The following DENND4A variants were observed in gnomAD, a reference collection of about 807,000 sequenced individuals.
DENND4A encodes DENN domain containing 4A.
In DENND4A, 70 loss-of-function variants were observed where a neutral mutation model predicts 199.3. That is an observed-to-expected ratio of 0.35 (90% CI 0.29 to 0.43). The LOEUF (loss-of-function observed/expected upper bound fraction) is 0.43, where lower values mean the gene tolerates loss of function less well. Ranked by LOEUF, DENND4A falls within the 20% of genes least tolerant of loss-of-function variation. The pLI is 1.00. For synonymous variants in DENND4A, 686 were observed against 766.9 expected (o/e 0.89, Z 1.74); for missense variants, 1,723 against 2,255.8 (o/e 0.76, Z 4.78).
intron 1 of DENND4A, among the ~76,000 whole-genome samples, chr15:65,770,882 A>G (rs1285237822): frequency 1.3e-5 from 2 of 152,232 alleles, no homozygotes; most frequent in Admixed American, 1.3e-4. Context: ...GAATCACTAA[A>G]ACTGGAAATT....
At chr15:65,671,920 A>G (rs1340155583) in intron 24 of DENND4A, 34 bp from the exon 25 acceptor site, 12 of 1,219,384 alleles carry the variant, frequency 9.8e-6, no homozygotes, top group Middle Eastern at 1.9e-4. Flanking sequence ...AACAGAAACC[A>G]TTAAAATTAA....
intron 11 of DENND4A, among the ~76,000 whole-genome samples, chr15:65,724,060 A>T (rs2075728874): frequency 1.4e-5 from 2 of 143,478 alleles, no homozygotes; most frequent in African/African-American, 5.0e-5. Flanking sequence ...ACTCCACTTT[A>T]AAAAAAAAAA....
At chr15:65,692,474 G>A (rs528250812) in intron 22 of DENND4A, among the ~76,000 whole-genome samples, 1 of 152,208 alleles carries the variant, frequency 6.6e-6, no homozygotes, top group South Asian at 2.1e-4. Flanking sequence ...CTTCTTACAT[G>A]CTTTATGCAC....
chr15:65,700,533 C>T lies in DENND4A; in HGVS notation c.2833+11G>A. 3 of 1,431,398 alleles carry T rather than the reference C, an allele frequency of 2.1e-6. No homozygotes were observed. The highest frequency in any genetic ancestry group is 1.8e-4 in the Middle Eastern group (1 of 5,586). 88.7% of individuals were successfully genotyped at this position (1,431,398 alleles called of 1,614,324 possible). On this transcript the variant is annotated intron_variant, in intron 20 of 32. Transcript: ENST00000443035. ...GTACTATAATAAATGTATACATAAG[C>T]ATACACAAACCTGTACTAGATCTAT...
intron 14 of DENND4A, among the ~76,000 whole-genome samples, chr15:65,711,954 C>T (rs1596495334): frequency 6.6e-6 from 1 of 152,110 alleles, no homozygotes; most frequent in African/African-American, 2.4e-5. Flanking sequence ...GTGCACACCA[C>T]CATGCCCAAC....
chr15:65,702,556 G>A, intron 16 of DENND4A, 45 bp from the exon 17 acceptor site: 1 of 1,466,462 alleles, frequency 6.8e-7, no homozygotes. Context: ...ATGCACTTAG[G>A]CATCTTTATT....
intron 11 of DENND4A, among the ~76,000 whole-genome samples, chr15:65,728,487 CTT>C (rs201253758): frequency 7.2e-5 from 10 of 138,438 alleles, no homozygotes; most frequent in African/African-American, 8.0e-5. Context: ...TTTTCTTTTT[CTT>C]TTTTTTTTTT....
chr15:65,757,816 C>T (rs1478628902), intron 2 of DENND4A, among the ~76,000 whole-genome samples: 2 of 152,134 alleles, frequency 1.3e-5, no homozygotes, highest in African/African-American at 4.8e-5. Flanking sequence ...GAACCCATCT[C>T]TACTAAAAAT....
At chr15:65,768,161 A>ATT (rs1229074430) in intron 1 of DENND4A, among the ~76,000 whole-genome samples, 3 of 151,892 alleles carry the variant, frequency 2.0e-5, no homozygotes, top group Non-Finnish European at 4.4e-5. Flanking sequence ...CGTCTGGCTA[A>ATT]TTTATCTTTT....
At chr15:65,698,913 T>C (rs1020038881) in intron 20 of DENND4A, among the ~76,000 whole-genome samples, 1 of 151,948 alleles carries the variant, frequency 6.6e-6, no homozygotes, top group African/African-American at 2.4e-5. Flanking sequence ...AATTTTTGCA[T>C]TTTTAGTAGA....
Position 65,706,491 on chromosome 15 carries a change from CACACATAT to C in DENND4A, c.1954-275_1954-268del, listed in dbSNP as rs745566516. Among the ~76,000 whole-genome samples, 66 of 85,958 alleles carry C rather than the reference CACACATAT, an allele frequency of 7.7e-4. 1 individual carries two copies. The highest frequency in any genetic ancestry group is 2.0e-3 in the African/African-American group (40 of 20,426). The allele number at this position is 85,958 out of a possible 152,430, so 56.4% of individuals were successfully genotyped here. ...ACACACACACACACACACACACACA[CACACATAT>C]ATATATATATTTTTTTTTGAGACAG... On this transcript the variant is annotated intron_variant, in intron 14 of 32. Transcript: ENST00000443035.
At position 65,706,206 on chromosome 15, in the gene DENND4A, C is replaced by T. The variant is rs750364999; in HGVS notation, c.1972G>A (p.Gly658Ser). 1.6e-5 allele frequency: 25 copies of T among 1,575,726 alleles called. No homozygotes were observed. The East Asian group carries it at 2.8e-4, about 17-fold the overall frequency. Residue 658 changes from glycine (G) to serine (S), a missense_variant, in exon 15 of 33, where the codon GGT becomes AGT. Physicochemically the swap from Gly to Ser is moderately conservative, Grantham distance 56 (BLOSUM62 0). This residue lies in a region of DENND4A where 725 missense variants were observed against 952.9 expected (regional missense o/e 0.76). Coordinates refer to ENST00000443035, the MANE Select transcript of DENND4A (RefSeq NM_001320835.1). ...TCCAGTTCTATAAGTCGTACTTCACCGCTCTTGTCCATATCCACCTAAAGG... is the reference window on the plus strand; with the variant it reads ...TCCAGTTCTATAAGTCGTACTTCACTGCTCTTGTCCATATCCACCTAAAGG... ...CVDKVDMDKS[G>S]EVRLIELDES...
intron 1 of DENND4A, among the ~76,000 whole-genome samples, chr15:65,764,578 C>T (rs1476923823): frequency 6.6e-6 from 1 of 152,058 alleles, no homozygotes; most frequent in Non-Finnish European, 1.5e-5. Flanking sequence ...TTGCAGTGAG[C>T]AGAGATCGTG....
At chr15:65,784,770 G>C (rs753007646) in intron 1 of DENND4A, among the ~76,000 whole-genome samples, 1 of 152,032 alleles carries the variant, frequency 6.6e-6, no homozygotes, top group Non-Finnish European at 1.5e-5. Flanking sequence ...AGAACTACAG[G>C]AGCAGAAAGC....
intron 14 of DENND4A, chr15:65,715,259 TATG>T (rs759558341): frequency 1.3e-5 from 5 of 399,474 alleles, no homozygotes; most frequent in Non-Finnish European, 2.2e-5. Context: ...CAATAAAACT[TATG>T]ATTACAATTA....
At chr15:65,702,760 A>G in intron 16 of DENND4A, 113 bp downstream of exon 16, 1 of 1,103,570 alleles carries the variant, frequency 9.1e-7, no homozygotes, top group South Asian at 1.6e-5. Context: ...TTTGGTGAAC[A>G]TAATAATCTA....
rs1459035327 is a variant in DENND4A at position 65,661,083 on chromosome 15, T to G, written c.*768A>C. The G allele has an allele frequency of 6.6e-6, 1 of 152,192 alleles. No homozygotes were observed. The allele number at this position is 152,192 out of a possible 1,614,324, so 9.4% of individuals were successfully genotyped here. ...TTGGAGTCATGGTATAGTGAACCTC[T>G]CTGGCTCTCCTTGCACAAGGCTCCA... On this transcript the variant is annotated 3_prime_UTR_variant, in exon 33 of 33. Coordinates refer to ENST00000443035, the MANE Select transcript of DENND4A (RefSeq NM_001320835.1).
At chr15:65,752,309 A>ATTTTTTTTT in intron 4 of DENND4A, 70 bp downstream of exon 4, 1 of 599,516 alleles carries the variant, frequency 1.7e-6, no homozygotes, top group Non-Finnish European at 2.3e-6. Flanking sequence ...AAAAAAAAAA[A>ATTTTTTTTT]AAAAGATGTA....
intron 23 of DENND4A, among the ~76,000 whole-genome samples, chr15:65,680,257 T>C (rs1455197705): frequency 6.6e-6 from 1 of 152,228 alleles, no homozygotes; most frequent in Admixed American, 6.5e-5. Flanking sequence ...ACTTTCTGTA[T>C]TCAGGCATTT....
Sources: allele counts gnomAD v4.1 joint callset (sites outside exome capture counted in the v4.1 genomes callset), GRCh38; gene constraint gnomAD v4.1.1; regional missense constraint gnomAD v4.1.1; transcripts MANE v1.5; gene names NCBI Gene and HGNC (gene_info 2026-07-23, HGNC 2026-07-21).